Variants in DLG2 observed in about 807,000 individuals in gnomAD.
DLG2 encodes disks large homolog 2.
DLG2 carries 45 observed loss-of-function variants against 132.5 expected under a neutral mutation model. The ratio of observed to expected loss-of-function variants is 0.34; its 90% confidence interval spans 0.27 to 0.44. The LOEUF (loss-of-function observed/expected upper bound fraction) is 0.44, where lower values mean the gene tolerates loss of function less well. Among genes scored for constraint, DLG2 ranks in the 20% least tolerant of loss-of-function variants. The pLI is 1.00. For synonymous variants in DLG2, 424 were observed against 419.6 expected, an observed-to-expected ratio of 1.01 and a Z score of -0.13; for missense variants, 1,045 against 1,196.9, an observed-to-expected ratio of 0.87 and a Z score of 1.87.
At chr11:85,545,410 T>A (rs1565665215) in intron 3 of DLG2, among the ~76,000 whole-genome samples, 1 of 152,222 alleles carries the variant, frequency 6.6e-6, no homozygotes, top group Non-Finnish European at 1.5e-5. Flanking sequence ...TTGAGGATTT[T>A]CGCATCAACA....
intron 3 of DLG2, among the ~76,000 whole-genome samples, chr11:85,362,846 G>T (rs2084268192): frequency 6.6e-6 from 1 of 152,006 alleles, no homozygotes; most frequent in Non-Finnish European, 1.5e-5. Flanking sequence ...AAAACTTTGA[G>T]CATGTCAAGG....
chr11:84,785,394 A>C (rs536381414), intron 6 of DLG2, among the ~76,000 whole-genome samples: 3 of 152,242 alleles, frequency 2.0e-5, no homozygotes, highest in African/African-American at 7.2e-5. Context: ...ATTTTACGCA[A>C]GACTCCTCAT....
chr11:83,909,979 A>G (rs893532360), intron 15 of DLG2, among the ~76,000 whole-genome samples: 3 of 152,166 alleles, frequency 2.0e-5, no homozygotes, highest in African/African-American at 7.2e-5. Context: ...TAAATTTGCT[A>G]TCTGAAGATG....
intron 7 of DLG2, among the ~76,000 whole-genome samples, chr11:84,490,239 G>C (rs887107964): frequency 6.6e-6 from 1 of 152,090 alleles, no homozygotes; most frequent in Admixed American, 6.6e-5. Context: ...AAGTAAGATT[G>C]TATTACTAAA....
At chr11:85,542,791 A>G (rs2076056544) in intron 3 of DLG2, among the ~76,000 whole-genome samples, 1 of 152,248 alleles carries the variant, frequency 6.6e-6, no homozygotes, top group South Asian at 2.1e-4. Context: ...TTCAAAAAGT[A>G]AAAGTCAGTC....
intron 7 of DLG2, among the ~76,000 whole-genome samples, chr11:84,411,954 A>G (rs1204570220): frequency 6.6e-6 from 1 of 151,274 alleles, no homozygotes; most frequent in Non-Finnish European, 1.5e-5. Context: ...GCCAAATACT[A>G]TGTACTGGAT....
At chr11:84,596,720 G>C (rs572145813) in intron 6 of DLG2, among the ~76,000 whole-genome samples, 3 of 152,160 alleles carry the variant, frequency 2.0e-5, no homozygotes, top group Admixed American at 1.3e-4. Flanking sequence ...AAGCATATGG[G>C]TGAACTAGAT....
At chr11:83,689,596 A>G (rs1226617893) in intron 18 of DLG2, among the ~76,000 whole-genome samples, 2 of 152,052 alleles carry the variant, frequency 1.3e-5, no homozygotes, top group Non-Finnish European at 2.9e-5. Context: ...TAGTTCATAT[A>G]GCTGTTGTGT....
At chr11:85,209,445 CTTTTTT>C (rs1164394816) in intron 4 of DLG2, among the ~76,000 whole-genome samples, 1 of 74,434 alleles carries the variant, frequency 1.3e-5, no homozygotes, top group Non-Finnish European at 2.4e-5. Context: ...AGAAATCAGT[CTTTTTT>C]TTTTTTTTTT....
chr11:84,791,949 C>T (rs1048596219), intron 6 of DLG2, among the ~76,000 whole-genome samples: 4 of 152,064 alleles, frequency 2.6e-5, no homozygotes, highest in Non-Finnish European at 5.9e-5. Context: ...ATTGCTGTAG[C>T]TAAGGAGTTC....
At chr11:84,769,891 GAAGTA>G (rs148767915) in intron 6 of DLG2, among the ~76,000 whole-genome samples, 2,100 of 152,228 alleles carry the variant, frequency 0.014, 45 homozygotes, top group African/African-American at 0.047. Flanking sequence ...AAGCAACAGA[GAAGTA>G]AAGTATTTGC....
intron 6 of DLG2, among the ~76,000 whole-genome samples, chr11:85,110,378 AC>A (rs1456865992): frequency 5.3e-5 from 8 of 152,024 alleles, no homozygotes; most frequent in Non-Finnish European, 1.2e-4. Context: ...AGATCATGCC[AC>A]TACACTCCAG....
At chr11:85,286,269 G>T (rs1449090035) in intron 3 of DLG2, 1 of 272,798 alleles carries the variant, frequency 3.7e-6, no homozygotes, top group African/African-American at 2.3e-5. Flanking sequence ...GGTAGATGAT[G>T]GGAGCCAAGT....
chr11:85,092,324 T>C (rs1365815849), intron 6 of DLG2, among the ~76,000 whole-genome samples: 1 of 152,162 alleles, frequency 6.6e-6, no homozygotes, highest in African/African-American at 2.4e-5. Context: ...GTCCTGAATG[T>C]TATAATCCCA....
chr11:84,688,106 C>T (rs1274810780), intron 6 of DLG2, among the ~76,000 whole-genome samples: 1 of 152,122 alleles, frequency 6.6e-6, no homozygotes, highest in Non-Finnish European at 1.5e-5. Context: ...TAAATAGAGA[C>T]ATCACTGAGC....
chr11:84,063,809 T>G (rs1428188316), intron 10 of DLG2, among the ~76,000 whole-genome samples: 1 of 152,160 alleles, frequency 6.6e-6, no homozygotes, highest in Non-Finnish European at 1.5e-5. Context: ...TCATGTCCTT[T>G]GTAGGGACAT....
intron 6 of DLG2, among the ~76,000 whole-genome samples, chr11:85,040,117 C>A (rs1461632206): frequency 1.3e-5 from 2 of 151,834 alleles, no homozygotes; most frequent in African/African-American, 4.8e-5. Context: ...CACAAAAGAT[C>A]ATAAATTATA....
intron 6 of DLG2, among the ~76,000 whole-genome samples, chr11:84,604,265 C>T (rs964640047): frequency 1.3e-5 from 2 of 151,730 alleles, no homozygotes; most frequent in African/African-American, 2.4e-5. Flanking sequence ...AGTTAATTTT[C>T]CAGAAGTAAG....
chr11:84,402,338 G>A (rs2098832392), intron 7 of DLG2, among the ~76,000 whole-genome samples: 1 of 152,122 alleles, frequency 6.6e-6, no homozygotes, highest in South Asian at 2.1e-4. Flanking sequence ...ACAAGTTCAA[G>A]GTCATTGAAT....
Sources: gnomAD v4.1 joint callset for allele counts (sites outside exome capture counted in the v4.1 genomes callset) on GRCh38, gnomAD v4.1.1 for gene constraint, MANE v1.5 for transcripts, NCBI Gene and HGNC (gene_info 2026-07-23, HGNC 2026-07-21) for gene names.